Variants in TENM4 observed in about 807,000 individuals in gnomAD.
TENM4 encodes the protein teneurin-4.
A neutral mutation model predicts 243.3 loss-of-function variants in TENM4; 82 were observed. That is an observed-to-expected ratio of 0.34 (90% CI 0.28 to 0.40). The LOEUF (loss-of-function observed/expected upper bound fraction) is 0.40. TENM4 is among the 10% of genes least tolerant of loss of function. The probability of loss-of-function intolerance (pLI) is 1.00; values close to 1 mark genes in which losing one functional copy is unlikely to be tolerated. For missense variants in TENM4, 3,138 were observed against 3,673.3 expected, an observed-to-expected ratio of 0.85 and a Z score of 3.77; for synonymous variants, 1,412 against 1,456.3, an observed-to-expected ratio of 0.97 and a Z score of 0.69.
chr11:79,161,070 T>A (rs191870375), intron 3 of TENM4, among the ~76,000 whole-genome samples: 5 of 152,316 alleles, frequency 3.3e-5, no homozygotes, highest in Non-Finnish European at 7.3e-5. Context: ...TTGAACAGCA[T>A]GTTAGAAAAA....
At chr11:78,852,118 G>A (rs1209727087) in intron 12 of TENM4, among the ~76,000 whole-genome samples, 1 of 152,178 alleles carries the variant, frequency 6.6e-6, no homozygotes, top group Non-Finnish European at 1.5e-5. Context: ...TCCTGTCAAA[G>A]CCCCTGCCCT....
chr11:79,380,761 T>C (rs1206558255), intron 1 of TENM4, among the ~76,000 whole-genome samples: 1 of 152,182 alleles, frequency 6.6e-6, no homozygotes, highest in Non-Finnish European at 1.5e-5. Context: ...GTTCATCAAA[T>C]TCGTTTCATT....
chr11:78,822,996 C>A (rs1857768073), intron 12 of TENM4, among the ~76,000 whole-genome samples: 1 of 152,200 alleles, frequency 6.6e-6, no homozygotes, highest in African/African-American at 2.4e-5. Context: ...CCGAGGTTAG[C>A]CTCCTTCCTG....
intron 2 of TENM4, among the ~76,000 whole-genome samples, chr11:79,222,024 A>T (rs567236): frequency 6.6e-6 from 1 of 152,062 alleles, no homozygotes; most frequent in Admixed American, 6.5e-5. Flanking sequence ...GGTCCTCAAC[A>T]TTCTCAGTGT....
At chr11:78,713,834 T>C (rs1352416821) in intron 25 of TENM4, among the ~76,000 whole-genome samples, 1 of 152,176 alleles carries the variant, frequency 6.6e-6, no homozygotes, top group African/African-American at 2.4e-5. Context: ...GGTACTGACA[T>C]ACAATTTCTT....
intron 3 of TENM4, among the ~76,000 whole-genome samples, chr11:79,196,951 C>G (rs561532680): frequency 6.6e-6 from 1 of 152,162 alleles, no homozygotes; most frequent in East Asian, 1.9e-4. Context: ...CTTATGGATG[C>G]GTGTTCAGCA....
At chr11:78,894,845 C>T (rs991141450) in intron 7 of TENM4, among the ~76,000 whole-genome samples, 2 of 151,386 alleles carry the variant, frequency 1.3e-5, no homozygotes, top group African/African-American at 2.4e-5. Flanking sequence ...AATTCAAAAA[C>T]TAGCCAGGCA....
intron 19 of TENM4, among the ~76,000 whole-genome samples, chr11:78,753,793 C>T (rs1856244248): frequency 6.6e-6 from 1 of 151,972 alleles, no homozygotes; most frequent in African/African-American, 2.4e-5. Flanking sequence ...TACTATATCC[C>T]TGGCCCTGGC....
chr11:78,848,438 G>A (rs1434449911), intron 12 of TENM4, among the ~76,000 whole-genome samples: 3 of 152,102 alleles, frequency 2.0e-5, no homozygotes, highest in African/African-American at 7.2e-5. Flanking sequence ...TTAATTTTCT[G>A]CCTACTGAAC....
intron 16 of TENM4, among the ~76,000 whole-genome samples, 198 bp from the exon 17 acceptor site, chr11:78,778,826 A>T (rs1385348783): frequency 6.6e-6 from 1 of 152,300 alleles, no homozygotes; most frequent in East Asian, 1.9e-4. Flanking sequence ...TTCTCCAGGG[A>T]TGGCCAAAAG....
chr11:79,354,233 T>G (rs1857461271), intron 1 of TENM4, among the ~76,000 whole-genome samples: 1 of 152,218 alleles, frequency 6.6e-6, no homozygotes, highest in Admixed American at 6.5e-5. Flanking sequence ...TATTTTAAGT[T>G]GACGTTGTTT....
intron 4 of TENM4, among the ~76,000 whole-genome samples, chr11:79,143,929 A>C (rs924914760): frequency 1.3e-5 from 2 of 151,864 alleles, no homozygotes; most frequent in Admixed American, 6.6e-5. Flanking sequence ...CAGACAACCA[A>C]AGGAAAAATA....
chr11:79,134,207 C>A (rs181314660), intron 4 of TENM4, among the ~76,000 whole-genome samples: 105 of 152,118 alleles, frequency 6.9e-4, no homozygotes, highest in African/African-American at 2.5e-3. Context: ...CCAACAGCGA[C>A]CAAGTGGAGA....
chr11:78,982,164 C>T (rs1857812175), intron 6 of TENM4, among the ~76,000 whole-genome samples: 1 of 152,160 alleles, frequency 6.6e-6, no homozygotes, highest in Non-Finnish European at 1.5e-5. Flanking sequence ...AAGGAAATGC[C>T]ACTTGCCTTA....
At chr11:79,354,447 T>A (rs996851028) in intron 1 of TENM4, among the ~76,000 whole-genome samples, 1 of 152,212 alleles carries the variant, frequency 6.6e-6, no homozygotes, top group Non-Finnish European at 1.5e-5. Flanking sequence ...GGAGAATGGA[T>A]GTCAAGGCTC....
At chr11:79,222,070 T>C (rs1469296909) in intron 2 of TENM4, among the ~76,000 whole-genome samples, 2 of 152,240 alleles carry the variant, frequency 1.3e-5, no homozygotes, top group African/African-American at 4.8e-5. Context: ...TCATGAATCC[T>C]TCATAGGCAT....
intron 2 of TENM4, among the ~76,000 whole-genome samples, chr11:79,233,142 G>A (rs1025422434): frequency 3.3e-5 from 5 of 152,302 alleles, no homozygotes; most frequent in Non-Finnish European, 5.9e-5. Context: ...TGAGTCAGAC[G>A]CCATGCCTTG....
chr11:78,673,406 G>A (rs1334139582), intron 30 of TENM4, among the ~76,000 whole-genome samples: 5 of 152,158 alleles, frequency 3.3e-5, no homozygotes, highest in African/African-American at 4.8e-5. Context: ...AGGTTGACAA[G>A]TAATACAGAA....
chr11:78,685,289 G>C lies in TENM4; in HGVS notation c.5260+2765C>G, dbSNP rs184103331. On this transcript the variant is annotated intron_variant, in intron 29 of 33. Coordinates refer to ENST00000278550, the MANE Select transcript of TENM4 (RefSeq NM_001098816.3). The stretch of plus-strand genomic sequence containing the variant: ...TGGGCTGTGACTTCCCAAGGCCGCT[G>C]CTCATTAGCAGCTACTTCTTATTAC... Among the ~76,000 whole-genome samples the C allele has an allele frequency of 3.3e-4, 51 of 152,300 alleles. 1 individual carries two copies. Among genetic ancestry groups the C allele is most frequent in the Admixed American group, 2.4e-3 (37 of 15,298 alleles).
Sources: allele counts gnomAD v4.1 joint callset (sites outside exome capture counted in the v4.1 genomes callset), GRCh38; gene constraint gnomAD v4.1.1; transcripts MANE v1.5; gene names NCBI Gene and HGNC (gene_info 2026-07-23, HGNC 2026-07-21).